RAB7A: variants seen among roughly 807,000 people sequenced by gnomAD.
The protein encoded by RAB7A is ras-related protein Rab-7a.
A neutral mutation model predicts 24.5 loss-of-function variants in RAB7A; 2 were observed. That is an observed-to-expected ratio of 0.08 (90% CI 0.03 to 0.26). The LOEUF is 0.26. Ranked by LOEUF, RAB7A falls within the 10% of genes least tolerant of loss-of-function variation. RAB7A has a pLI of 1.00. For synonymous variants in RAB7A, 100 were observed against 95.9 expected (o/e 1.04, Z -0.25); for missense variants, 118 against 255.7 (o/e 0.46, Z 3.67).
intron 2 of RAB7A, 73 bp from the exon 3 acceptor site, chr3:128,797,870 T>C: frequency 6.4e-7 from 1 of 1,555,728 alleles, no homozygotes; most frequent in Non-Finnish European, 8.8e-7. Flanking sequence ...TTCTTTTAAA[T>C]GCTTCAAGTA....
chr3:128,809,635 T>TTTG (rs1933876127), intron 5 of RAB7A, among the ~76,000 whole-genome samples: 1 of 152,250 alleles, frequency 6.6e-6, no homozygotes, highest in Non-Finnish European at 1.5e-5. Context: ...TAAGTTTCTA[T>TTTG]GTTTCCTGTG....
chr3:128,794,668 C>G (rs1239721189), intron 1 of RAB7A, among the ~76,000 whole-genome samples: 1 of 152,134 alleles, frequency 6.6e-6, no homozygotes, highest in Non-Finnish European at 1.5e-5. Flanking sequence ...TCCTGGAAGA[C>G]AGTTGAGCAG....
At chr3:128,756,763 A>G (rs546553863) in intron 1 of RAB7A, among the ~76,000 whole-genome samples, 9 of 152,270 alleles carry the variant, frequency 5.9e-5, no homozygotes, top group African/African-American at 2.2e-4. Context: ...TGTACTGCAA[A>G]GCTACACCAA....
intron 3 of RAB7A, among the ~76,000 whole-genome samples, chr3:128,800,703 T>C (rs571994381): frequency 6.6e-4 from 101 of 151,880 alleles, no homozygotes; most frequent in Non-Finnish European, 1.1e-3. Context: ...GGCAGTGGGG[T>C]ATGTTGGGAA....
At chr3:128,763,546 C>G (rs2070795446) in intron 1 of RAB7A, among the ~76,000 whole-genome samples, 1 of 152,092 alleles carries the variant, frequency 6.6e-6, no homozygotes, top group African/African-American at 2.4e-5. Context: ...AAGAATACTT[C>G]ATTAGGAACC....
rs774736035 is a variant in RAB7A, at chr3:128,795,461, G to GC, written c.53+42dup. The GC allele has an allele frequency of 3.9e-6, 6 of 1,541,804 alleles. No individual in the cohort carries two copies. The South Asian group carries it at 6.7e-5, about 17-fold the overall frequency. On this transcript the variant is annotated intron_variant, in intron 2 of 5. Transcript: ENST00000265062. ...ATTTGAGCTAACAGATTGGCTTAGAGCTAAGCCTCTCTGCTGTGGAGCCCA... is the reference window on the plus strand; with the variant it reads ...ATTTGAGCTAACAGATTGGCTTAGAGCCTAAGCCTCTCTGCTGTGGAGCCCA...
At chr3:128,743,223 G>A (rs539503301) in intron 1 of RAB7A, among the ~76,000 whole-genome samples, 392 of 152,320 alleles carry the variant, frequency 2.6e-3, no homozygotes, top group African/African-American at 9.0e-3. Flanking sequence ...CGAGTGTGGG[G>A]CCCTCCAAGC....
chr3:128,792,936 C>T lies in RAB7A; in HGVS notation c.-8-2424C>T, dbSNP rs1217232639. Reference sequence around the variant, plus strand: ...CGTGATCTCGGCTCACTGCAACCTCCGCCTCCCGGGTTCAAACGATTCTCC... The same window carrying T: ...CGTGATCTCGGCTCACTGCAACCTCTGCCTCCCGGGTTCAAACGATTCTCC... On this transcript the variant is annotated intron_variant, in intron 1 of 5. Transcript: ENST00000265062. 4.0e-5 allele frequency among the ~76,000 whole-genome samples: 6 copies of T among 151,530 alleles called. No individual in the cohort carries two copies. In the South Asian group the frequency reaches 6.3e-4, roughly 16 times the overall value.
intron 2 of RAB7A, among the ~76,000 whole-genome samples, chr3:128,797,028 T>G (rs1576299552): frequency 6.6e-6 from 1 of 152,156 alleles, no homozygotes; most frequent in East Asian, 1.9e-4. Context: ...GGCCTAGATT[T>G]GTGCTCTCTC....
chr3:128,757,414 G>A (rs955607595), intron 1 of RAB7A, among the ~76,000 whole-genome samples: 2 of 152,176 alleles, frequency 1.3e-5, no homozygotes, highest in Non-Finnish European at 2.9e-5. Flanking sequence ...GAGGCCAGGT[G>A]TGCTTAGCAG....
chr3:128,758,231 T>TG (rs1202394935), intron 1 of RAB7A, among the ~76,000 whole-genome samples: 7 of 151,618 alleles, frequency 4.6e-5, no homozygotes, highest in African/African-American at 1.7e-4. Context: ...GTCAAATTGC[T>TG]GGGGTTACAG....
At chr3:128,743,243 C>A (rs979427493) in intron 1 of RAB7A, among the ~76,000 whole-genome samples, 2 of 152,234 alleles carry the variant, frequency 1.3e-5, no homozygotes, top group Non-Finnish European at 2.9e-5. Context: ...CCCACACCCA[C>A]CCGGAACTCC....
intron 3 of RAB7A, among the ~76,000 whole-genome samples, chr3:128,805,934 C>G (rs969394031): frequency 3.3e-5 from 5 of 152,170 alleles, no homozygotes; most frequent in African/African-American, 9.7e-5. Context: ...CAGTAAAATG[C>G]ATAGATTGAA....
intron 1 of RAB7A, among the ~76,000 whole-genome samples, chr3:128,770,213 G>A (rs1347720911): frequency 6.6e-6 from 1 of 152,024 alleles, no homozygotes; most frequent in Non-Finnish European, 1.5e-5. Flanking sequence ...ACGTTGGCCA[G>A]GCTGGTTTCG....
chr3:128,781,006 G>A (rs13433744), intron 1 of RAB7A, among the ~76,000 whole-genome samples: 42,067 of 152,116 alleles, frequency 0.28, 7,475 homozygotes, highest in African/African-American at 0.5. Context: ...TATGCTAAAT[G>A]TGACTCTCTA....
Position 128,813,477 on chromosome 3 carries a change from C to A in RAB7A, c.*55C>A. Reference sequence around the variant, plus strand: ...TTCACAAACCAAGAACACACGTAGGCCTTCAACACAATTCCCCTCTCCTCT... The same window carrying A: ...TTCACAAACCAAGAACACACGTAGGACTTCAACACAATTCCCCTCTCCTCT... On this transcript the variant is annotated 3_prime_UTR_variant, in exon 6 of 6. Transcript: ENST00000265062. The A allele has an allele frequency of 6.7e-7, 1 of 1,482,460 alleles. No individual in the cohort carries two copies. The highest frequency in any genetic ancestry group is 9.4e-7 in the Non-Finnish European group (1 of 1,061,682). The allele number at this position is 1,482,460 out of a possible 1,614,324, so 91.8% of individuals were successfully genotyped here.
chr3:128,763,631 C>G (rs776945905), intron 1 of RAB7A, among the ~76,000 whole-genome samples: 10 of 152,066 alleles, frequency 6.6e-5, no homozygotes, highest in Non-Finnish European at 1.5e-4. Flanking sequence ...AGCCATATCA[C>G]TGCATTGTAA....
At chr3:128,734,238 T>TG (rs1251727122) in intron 1 of RAB7A, among the ~76,000 whole-genome samples, 1 of 152,050 alleles carries the variant, frequency 6.6e-6, no homozygotes, top group Non-Finnish European at 1.5e-5. Flanking sequence ...AAGACCAGCC[T>TG]GGCCAACATA....
chr3:128,795,180 G>T, intron 1 of RAB7A, 180 bp from the exon 2 acceptor site: 1 of 660,492 alleles, frequency 1.5e-6, no homozygotes, highest in Admixed American at 2.2e-5. Flanking sequence ...CTCGCTCTTG[G>T]GTCCAGAGTT....
Sources: gnomAD v4.1 joint callset for allele counts (sites outside exome capture counted in the v4.1 genomes callset) on GRCh38, gnomAD v4.1.1 for gene constraint, MANE v1.5 for transcripts, NCBI Gene and HGNC (gene_info 2026-07-23, HGNC 2026-07-21) for gene names.